The following STPG2 variants were observed in gnomAD, a reference collection of about 807,000 sequenced individuals.
STPG2 encodes sperm-tail PG-rich repeat-containing protein 2.
Under a neutral mutation model 54.2 loss-of-function variants are expected in STPG2, and 56 were observed. The ratio of observed to expected loss-of-function variants is 1.03; its 90% confidence interval spans 0.83 to 1.29. The LOEUF is 1.29. Among genes scored for constraint, STPG2 ranks in the 50% most tolerant of loss-of-function variants. The pLI is 0.00. For missense variants in STPG2, 596 were observed against 544.9 expected, an observed-to-expected ratio of 1.09 and a Z score of -0.93; for synonymous variants, 200 against 181.8, an observed-to-expected ratio of 1.10 and a Z score of -0.81.
chr4:97,862,461 C>A lies in STPG2; in HGVS notation c.1045-21529G>T, dbSNP rs555770368. ...ATTCATAAAGCAAGTCCTTAGAGAC[C>A]TGCAAAGAGACTTAGACTCCCACAC... On this transcript the variant is annotated intron_variant, in intron 8 of 10. Coordinates refer to ENST00000295268, the MANE Select transcript of STPG2 (RefSeq NM_174952.3). Among the ~76,000 whole-genome samples the A allele has an allele frequency of 1.1e-4, 16 of 152,130 alleles. No individual in the cohort carries two copies. The East Asian group carries it at 2.9e-3, about 28-fold the overall frequency.
intron 4 of STPG2, among the ~76,000 whole-genome samples, chr4:97,465,967 C>T (rs1184437470): frequency 6.6e-6 from 1 of 151,720 alleles, no homozygotes; most frequent in Non-Finnish European, 1.5e-5. Flanking sequence ...TTTTGGTTGT[C>T]GTTGTTGTTG....
At chr4:97,457,068 A>G (rs1472047930) in intron 4 of STPG2, among the ~76,000 whole-genome samples, 1 of 152,154 alleles carries the variant, frequency 6.6e-6, no homozygotes, top group Non-Finnish European at 1.5e-5. Flanking sequence ...CTACCTACTG[A>G]TCCGAATGAT....
chr4:97,529,268 A>G (rs961561431), intron 4 of STPG2, among the ~76,000 whole-genome samples: 2 of 152,134 alleles, frequency 1.3e-5, no homozygotes, highest in Non-Finnish European at 2.9e-5. Context: ...GGTTCTGTTC[A>G]TGTGTTGGAT....
intron 10 of STPG2, among the ~76,000 whole-genome samples, chr4:97,562,538 T>G (rs1008532869): frequency 2.0e-5 from 3 of 152,224 alleles, no homozygotes; most frequent in African/African-American, 7.2e-5. Flanking sequence ...AAGGGAATGC[T>G]TGCAGTTTTT....
intron 3 of STPG2, among the ~76,000 whole-genome samples, chr4:98,115,979 T>TAAC (rs10669523): frequency 6.6e-6 from 1 of 151,860 alleles, no homozygotes; most frequent in Non-Finnish European, 1.5e-5. Context: ...CGTTTTTATA[T>TAAC]GTTTTTAAAT....
chr4:98,124,137 C>T (rs1739764968), intron 3 of STPG2, among the ~76,000 whole-genome samples: 1 of 152,108 alleles, frequency 6.6e-6, no homozygotes, highest in African/African-American at 2.4e-5. Context: ...ATGTGGCCTG[C>T]TATTCTGTGT....
At chr4:97,808,150 G>A (rs1376109921) in intron 9 of STPG2, among the ~76,000 whole-genome samples, 4 of 151,804 alleles carry the variant, frequency 2.6e-5, no homozygotes, top group Admixed American at 6.6e-5. Flanking sequence ...TCAGACAGAG[G>A]GTAAATGAAC....
At chr4:97,839,937 T>C (rs1243695513) in intron 9 of STPG2, among the ~76,000 whole-genome samples, 1 of 151,634 alleles carries the variant, frequency 6.6e-6, no homozygotes, top group African/African-American at 2.4e-5. Context: ...TTAGTGGGAA[T>C]ACACCTGTAA....
rs1729791142 is a variant in STPG2 at position 97,866,607 on chromosome 4, A to C, written c.1045-25675T>G. ...CTTGTTTTTGGTACTGCAAATTGTGATGTTGAGCTAATTATCCCTTTTTGG... is the reference window on the plus strand; with the variant it reads ...CTTGTTTTTGGTACTGCAAATTGTGCTGTTGAGCTAATTATCCCTTTTTGG... On this transcript the variant is annotated intron_variant, in intron 8 of 10. Coordinates refer to ENST00000295268, the MANE Select transcript of STPG2 (RefSeq NM_174952.3). Among the ~76,000 whole-genome samples the C allele has an allele frequency of 2.0e-5, 3 of 151,798 alleles. No individual in the cohort carries two copies. In the Admixed American group the frequency reaches 2.0e-4, roughly 10 times the overall value.
chr4:97,951,767 T>C (rs1733480904), intron 7 of STPG2, among the ~76,000 whole-genome samples: 1 of 152,178 alleles, frequency 6.6e-6, no homozygotes, highest in Non-Finnish European at 1.5e-5. Flanking sequence ...AATTTATTTA[T>C]TCACCAGTAT....
At chr4:97,992,820 G>T (rs905389283) in intron 5 of STPG2, among the ~76,000 whole-genome samples, 4 of 151,900 alleles carry the variant, frequency 2.6e-5, no homozygotes, top group African/African-American at 9.7e-5. Flanking sequence ...CCTTAGTTAA[G>T]TATATACCTA....
At chr4:97,813,289 C>T (rs940955780) in intron 9 of STPG2, among the ~76,000 whole-genome samples, 7 of 152,152 alleles carry the variant, frequency 4.6e-5, no homozygotes, top group African/African-American at 1.7e-4. Flanking sequence ...GTACTATGCT[C>T]ACTACCTTAG....
At chr4:97,764,137 CACACAG>C (rs1725970417) in intron 9 of STPG2, among the ~76,000 whole-genome samples, 1 of 151,230 alleles carries the variant, frequency 6.6e-6, no homozygotes, top group Non-Finnish European at 1.5e-5. Flanking sequence ...CACACACACA[CACACAG>C]AGGCACAGAC....
intron 4 of STPG2, among the ~76,000 whole-genome samples, chr4:97,536,567 T>A (rs1294571684): frequency 6.6e-6 from 1 of 152,182 alleles, no homozygotes; most frequent in Admixed American, 6.5e-5. Flanking sequence ...AAAAAAGACA[T>A]TCAAACATCA....
intron 8 of STPG2, among the ~76,000 whole-genome samples, chr4:97,893,498 G>A (rs1560574806): frequency 6.6e-6 from 1 of 152,038 alleles, no homozygotes; most frequent in Non-Finnish European, 1.5e-5. Flanking sequence ...CCTAGAAGTT[G>A]TAAGGGATTT....
chr4:97,686,672 A>T (rs1208250107), intron 10 of STPG2, among the ~76,000 whole-genome samples: 3 of 152,100 alleles, frequency 2.0e-5, no homozygotes, highest in African/African-American at 4.8e-5. Flanking sequence ...TGTTAAAATT[A>T]TTTGTTCACA....
At position 97,567,471 on chromosome 4, in the gene STPG2, C is replaced by T. The variant is rs573281108; in HGVS notation, c.1321-8354G>A. Among the ~76,000 whole-genome samples the T allele has an allele frequency of 2.0e-5, 3 of 149,988 alleles. No homozygotes were observed. In the East Asian group the frequency reaches 5.8e-4, roughly 29 times the overall value. The stretch of plus-strand genomic sequence containing the variant: ...ATGTATATATATATATTCCCTTTCT[C>T]CCCTCTCCCCATAATCTGACTTTCA... On this transcript the variant is annotated intron_variant, in intron 10 of 10. Coordinates refer to ENST00000295268, the MANE Select transcript of STPG2 (RefSeq NM_174952.3).
intron 10 of STPG2, among the ~76,000 whole-genome samples, chr4:97,681,779 G>A (rs1426931515): frequency 6.6e-6 from 1 of 151,600 alleles, no homozygotes; most frequent in Non-Finnish European, 1.5e-5. Flanking sequence ...ATTCATTATT[G>A]TCTATTTAAT....
intron 5 of STPG2, among the ~76,000 whole-genome samples, chr4:98,003,800 A>G (rs1048774413): frequency 5.3e-5 from 8 of 152,182 alleles, no homozygotes; most frequent in African/African-American, 1.9e-4. Flanking sequence ...TTTTTGTTTC[A>G]AATTCAATTT....
Sources: gnomAD v4.1 joint callset for allele counts (sites outside exome capture counted in the v4.1 genomes callset) on GRCh38, gnomAD v4.1.1 for gene constraint, MANE v1.5 for transcripts, NCBI Gene and HGNC (gene_info 2026-07-23, HGNC 2026-07-21) for gene names.